The following ZBTB40 variants were observed in gnomAD, a reference collection of about 807,000 sequenced individuals.
The protein encoded by ZBTB40 is zinc finger and BTB domain-containing protein 40.
ZBTB40 carries 60 observed loss-of-function variants against 117.5 expected under a neutral mutation model. The observed-to-expected ratio is 0.51, with a 90% CI of 0.41 to 0.63. The LOEUF (loss-of-function observed/expected upper bound fraction) is 0.63, where lower values mean the gene tolerates loss of function less well. Among genes scored for constraint, ZBTB40 ranks in the 30% least tolerant of loss-of-function variants. ZBTB40 has a pLI of 0.00. For missense variants in ZBTB40, 1,287 were observed against 1,498.5 expected, an observed-to-expected ratio of 0.86 and a Z score of 2.33; for synonymous variants, 525 against 577.1, an observed-to-expected ratio of 0.91 and a Z score of 1.29.
intron 17 of ZBTB40, among the ~76,000 whole-genome samples, chr1:22,525,868 C>T (rs1639661749): frequency 6.6e-6 from 1 of 152,334 alleles, no homozygotes; most frequent in Admixed American, 6.5e-5. Flanking sequence ...TCTCACATGG[C>T]ACTCACCTCT....
At chr1:22,480,385 C>T (rs1409571356) in intron 1 of ZBTB40, among the ~76,000 whole-genome samples, 1 of 152,098 alleles carries the variant, frequency 6.6e-6, no homozygotes, top group Non-Finnish European at 1.5e-5. Context: ...GAAGTCTTTG[C>T]CTTCTGTTTC....
chr1:22,512,560 A>G (rs989144935), intron 11 of ZBTB40, among the ~76,000 whole-genome samples: 1 of 152,238 alleles, frequency 6.6e-6, no homozygotes, highest in Non-Finnish European at 1.5e-5. Flanking sequence ...GTACAGTCAG[A>G]ATGGTTTCCC....
At chr1:22,450,146 T>C (rs1428928821), upstream of ZBTB40, among the ~76,000 whole-genome samples, 7 of 152,154 alleles carry the variant, frequency 4.6e-5, no homozygotes, top group African/African-American at 1.7e-4. Flanking sequence ...GGTTTCACCA[T>C]GTTGGCCAGG....
At chr1:22,432,836 T>A (rs1640615511) in intron 1 of ZBTB40, among the ~76,000 whole-genome samples, 1 of 152,228 alleles carries the variant, frequency 6.6e-6, no homozygotes, top group Non-Finnish European at 1.5e-5. Context: ...TTACTTCCAG[T>A]AGGACAAATC....
chr1:22,512,171 T>C, intron 11 of ZBTB40, 37 bp downstream of exon 11: 1 of 1,610,118 alleles, frequency 6.2e-7, no homozygotes, highest in South Asian at 1.1e-5. Context: ...AGGATGATAA[T>C]TGTGGGTTTT....
chr1:22,523,477 T>G (rs1639594510), intron 16 of ZBTB40, among the ~76,000 whole-genome samples: 1 of 152,196 alleles, frequency 6.6e-6, no homozygotes, highest in African/African-American at 2.4e-5. Flanking sequence ...CAATTCAGAT[T>G]GTCAACAAGC....
intron 1 of ZBTB40, among the ~76,000 whole-genome samples, chr1:22,462,106 C>T (rs545974870): frequency 1.3e-5 from 2 of 152,332 alleles, no homozygotes; most frequent in Admixed American, 1.3e-4. Context: ...TATTTAAAAA[C>T]CACTTCATTA....
chr1:22,483,540 C>A (rs183432807), intron 1 of ZBTB40, among the ~76,000 whole-genome samples: 1 of 152,082 alleles, frequency 6.6e-6, no homozygotes, highest in Non-Finnish European at 1.5e-5. Context: ...AAAGACATAC[C>A]ATGTACAACA....
chr1:22,468,586 C>T lies in ZBTB40; in HGVS notation c.-70+16582C>T, dbSNP rs12744026. ...AAACTCCTGGGCTCAAGTGATCCTC[C>T]TCCCTCAGCCTTCCAACTAGCTGGG... is the stretch of plus-strand genomic sequence containing the variant. On this transcript the variant is annotated intron_variant, in intron 1 of 17. Transcript: ENST00000375647. Among the ~76,000 whole-genome samples the T allele has an allele frequency of 5.7e-3, 814 of 143,086 alleles. 2 individuals carry two copies. The highest frequency in any genetic ancestry group is 9.8e-3 in the Non-Finnish European group (655 of 66,536). 93.9% of individuals were successfully genotyped at this position (143,086 alleles called of 152,430 possible). A position where few individuals can be genotyped will look rare whatever the true frequency, so the allele number is the denominator to read the frequency against.
At chr1:22,502,725 G>A (rs1188007923) in intron 5 of ZBTB40, among the ~76,000 whole-genome samples, 2 of 152,058 alleles carry the variant, frequency 1.3e-5, no homozygotes, top group South Asian at 2.1e-4. Flanking sequence ...ATGGATGGAC[G>A]GACGGACGGA....
intron 12 of ZBTB40, among the ~76,000 whole-genome samples, chr1:22,514,140 C>T (rs1369425951): frequency 6.6e-6 from 1 of 152,084 alleles, no homozygotes; most frequent in African/African-American, 2.4e-5. Flanking sequence ...GAGAAGGGGT[C>T]TCTAGTCCAG....
At position 22,517,391 on chromosome 1, in the gene ZBTB40, C is replaced by G; in HGVS notation, c.2760C>G (p.Pro920=). Residue 920 remains proline, a synonymous_variant, in exon 13 of 18, where the codon CCC becomes CCG. Coordinates refer to ENST00000375647, the MANE Select transcript of ZBTB40 (RefSeq NM_014870.4). ...TGAGGACCCACACCGGGGACAAGCC[C>G]TATGTCTGCAGAGACTGTGGCAAGG... ...RHVRTHTGDK[P]YVCRDCGKGF... The G allele has an allele frequency of 6.2e-7, 1 of 1,614,204 alleles. No homozygotes were observed. Among genetic ancestry groups the G allele is most frequent in the Non-Finnish European group, 8.5e-7 (1 of 1,180,042 alleles).
At chr1:22,518,814 C>A (rs866065700) in intron 13 of ZBTB40, among the ~76,000 whole-genome samples, 1 of 152,180 alleles carries the variant, frequency 6.6e-6, no homozygotes. Flanking sequence ...GATCCAGTGC[C>A]ACAATTTTGA....
At chr1:22,434,548 T>A (rs555950025) in intron 1 of ZBTB40, among the ~76,000 whole-genome samples, 55 of 152,330 alleles carry the variant, frequency 3.6e-4, no homozygotes, top group South Asian at 3.1e-3. Context: ...GGTACTTTAA[T>A]GTCTACAATT....
intron 3 of ZBTB40, among the ~76,000 whole-genome samples, chr1:22,497,850 A>G (rs529036960): frequency 6.6e-6 from 1 of 152,320 alleles, no homozygotes; most frequent in East Asian, 1.9e-4. Context: ...AACGCCTCCC[A>G]GGCCTGGTGT....
In ZBTB40 at chr1:22,528,586, C is replaced by T. The variant is rs757886447; in HGVS notation, c.*2190C>T. ...TTGCTCTGTCACCCAGACTGGAACA[C>T]AGTGGCACGATCTTGGCTCACTGCA... On this transcript the variant is annotated 3_prime_UTR_variant, in exon 18 of 18. Transcript: ENST00000375647. 2.0e-5 allele frequency: 3 copies of T among 152,288 alleles called. No homozygotes were observed. Among genetic ancestry groups the T allele is most frequent in the African/African-American group, 4.8e-5 (2 of 41,434 alleles). The allele number at this position is 152,288 out of a possible 1,614,324, so 9.4% of individuals were successfully genotyped here.
intron 13 of ZBTB40, among the ~76,000 whole-genome samples, chr1:22,519,400 T>G (rs1639462132): frequency 6.6e-6 from 1 of 152,206 alleles, no homozygotes; most frequent in African/African-American, 2.4e-5. Context: ...GTTACTCAGT[T>G]CAGCCATTTC....
At position 22,513,051 on chromosome 1, in the gene ZBTB40, G is replaced by T. The variant is rs761180280; in HGVS notation, c.2589G>T (p.Pro863=). ...NHLRLHTGDR[P]FMCKHCLMTF... ...TTCGCCTTCACACCGGGGACCGCCCGTTCATGTGCAAGCACTGCCTCATGA... is the reference window on the plus strand; with the variant it reads ...TTCGCCTTCACACCGGGGACCGCCCTTTCATGTGCAAGCACTGCCTCATGA... Residue 863 remains proline, a synonymous_variant, in exon 12 of 18, where the codon CCG becomes CCT. Transcript: ENST00000375647. This position sits in a 1 kb window ranked among gnomAD's most constrained non-coding sequence, Gnocchi z 4.9. 1.2e-6 allele frequency: 2 copies of T among 1,614,110 alleles called. No individual in the cohort carries two copies. Among genetic ancestry groups the T allele is most frequent in the Admixed American group, 3.3e-5 (2 of 60,016 alleles).
At chr1:22,464,186 A>G (rs1230037199) in intron 1 of ZBTB40, among the ~76,000 whole-genome samples, 3 of 152,248 alleles carry the variant, frequency 2.0e-5, no homozygotes, top group Non-Finnish European at 4.4e-5. Context: ...ATGAGGAAAC[A>G]GAGCTCCTAA....
Sources: gnomAD v4.1 joint callset for allele counts (sites outside exome capture counted in the v4.1 genomes callset) on GRCh38, gnomAD v4.1.1 for gene constraint, Gnocchi (gnomAD v3.1) non-coding constraint, MANE v1.5 for transcripts, NCBI Gene and HGNC (gene_info 2026-07-23, HGNC 2026-07-21) for gene names.